MROH9: variants seen among roughly 807,000 people sequenced by gnomAD.
MROH9 encodes the protein maestro heat-like repeat-containing protein family member 9.
A neutral mutation model predicts 98.2 loss-of-function variants in MROH9; 92 were observed. The observed-to-expected ratio is 0.94, with a 90% CI of 0.79 to 1.11. The LOEUF (loss-of-function observed/expected upper bound fraction) is 1.11, where lower values mean the gene tolerates loss of function less well. Ranked by LOEUF, MROH9 falls within the 50% of genes most tolerant of loss-of-function variation. The pLI, the probability that MROH9 is intolerant of heterozygous loss-of-function variation, is 0.00. For synonymous variants in MROH9, 397 were observed against 368.9 expected (o/e 1.08, Z -0.87); for missense variants, 1,057 against 1,014.8 (o/e 1.04, Z -0.57).
At chr1:171,033,717 T>C (rs1653005380) in intron 20 of MROH9, among the ~76,000 whole-genome samples, 1 of 152,186 alleles carries the variant, frequency 6.6e-6, no homozygotes, top group African/African-American at 2.4e-5. Context: ...CGCTGCTGTT[T>C]CTATTCGGCC....
At chr1:170,939,867 G>T (rs1649052731) in intron 1 of MROH9, among the ~76,000 whole-genome samples, 1 of 152,142 alleles carries the variant, frequency 6.6e-6, no homozygotes, top group African/African-American at 2.4e-5. Context: ...GTAAGGCTTT[G>T]CTCCAAAATC....
chr1:171,055,220 A>C (rs925680278), intron 20 of MROH9, among the ~76,000 whole-genome samples: 3 of 152,234 alleles, frequency 2.0e-5, no homozygotes, highest in African/African-American at 7.2e-5. Flanking sequence ...AGCAACCTGG[A>C]TAACTGGAGA....
chr1:170,942,274 T>C lies in MROH9; in HGVS notation c.-37-3246T>C, dbSNP rs563752221. On this transcript the variant is annotated intron_variant, in intron 1 of 21. Transcript: ENST00000367759. Reference sequence around the variant, plus strand: ...TTACGGGTCTAGAAGCAAAGAAGAGTGGTGGGGTTGAGTCCCTAAGAAGAC... The same window carrying C: ...TTACGGGTCTAGAAGCAAAGAAGAGCGGTGGGGTTGAGTCCCTAAGAAGAC... 2.0e-5 allele frequency among the ~76,000 whole-genome samples: 3 copies of C among 151,046 alleles called. No individual in the cohort carries two copies. In the South Asian group the frequency reaches 6.3e-4, roughly 32 times the overall value.
At chr1:171,015,919 A>G (rs1652307445) in intron 16 of MROH9, among the ~76,000 whole-genome samples, 1 of 152,242 alleles carries the variant, frequency 6.6e-6, no homozygotes, top group African/African-American at 2.4e-5. Context: ...GTAGCGAAAG[A>G]ATTAGGGAGT....
intron 8 of MROH9, among the ~76,000 whole-genome samples, chr1:170,974,415 A>T (rs1286125269): frequency 6.6e-6 from 1 of 152,136 alleles, no homozygotes; most frequent in Non-Finnish European, 1.5e-5. Flanking sequence ...AAAGGAGCCA[A>T]AGAGGAAAAA....
intron 3 of MROH9, among the ~76,000 whole-genome samples, chr1:170,953,581 T>C (rs554695714): frequency 2.6e-5 from 4 of 152,200 alleles, no homozygotes; most frequent in Admixed American, 2.0e-4. Flanking sequence ...ACATAAAGTC[T>C]TGTAGCATTG....
At chr1:171,032,594 G>A (rs544962865) in intron 20 of MROH9, among the ~76,000 whole-genome samples, 5 of 152,130 alleles carry the variant, frequency 3.3e-5, no homozygotes, top group Admixed American at 6.6e-5. Context: ...ATTCACTCCC[G>A]TGCCTGGAGA....
At chr1:171,049,656 T>C (rs1223770675) in intron 20 of MROH9, among the ~76,000 whole-genome samples, 1 of 152,136 alleles carries the variant, frequency 6.6e-6, no homozygotes, top group Non-Finnish European at 1.5e-5. Flanking sequence ...TCATGTTCTT[T>C]ACCCACTTTT....
At chr1:171,062,250 T>A in intron 21 of MROH9, 56 bp downstream of exon 21, 1 of 1,253,838 alleles carries the variant, frequency 8.0e-7, no homozygotes, top group East Asian at 2.5e-5. Flanking sequence ...ACATTTACTA[T>A]TTTTAATTCT....
chr1:170,998,100 T>C, intron 14 of MROH9, 54 bp from the exon 15 acceptor site: 1 of 1,323,924 alleles, frequency 7.6e-7, no homozygotes, highest in East Asian at 2.3e-5. Flanking sequence ...TCTTTGCCAC[T>C]ATTAGCATGG....
At chr1:171,046,452 T>G (rs758960372) in intron 20 of MROH9, among the ~76,000 whole-genome samples, 23 of 152,220 alleles carry the variant, frequency 1.5e-4, no homozygotes, top group Non-Finnish European at 3.4e-4. Flanking sequence ...TTTGTGTATC[T>G]ATTGTACATT....
intron 15 of MROH9, among the ~76,000 whole-genome samples, chr1:171,002,751 T>C (rs980942999): frequency 6.6e-6 from 1 of 152,200 alleles, no homozygotes; most frequent in Admixed American, 6.5e-5. Context: ...CTTTTTGCAA[T>C]GAATTTCCCA....
At chr1:171,059,223 T>C (rs1653942204) in intron 20 of MROH9, among the ~76,000 whole-genome samples, 1 of 152,094 alleles carries the variant, frequency 6.6e-6, no homozygotes, top group Admixed American at 6.5e-5. Flanking sequence ...GTAACAAAAG[T>C]GGGCAAAGGA....
chr1:171,030,340 A>G lies in MROH9; in HGVS notation c.2281+4920A>G, dbSNP rs575187351. On this transcript the variant is annotated intron_variant, in intron 20 of 21. Transcript: ENST00000367759. ...ATTGTCTTATGCTAGCTTTTGGATT[A>G]GTTTGTTCTTGATGCTCTAGCTCTT... Among the ~76,000 whole-genome samples the G allele has an allele frequency of 2.0e-5, 3 of 151,722 alleles. No individual in the cohort carries two copies. The East Asian group carries it at 5.8e-4, about 29-fold the overall frequency.
intron 7 of MROH9, among the ~76,000 whole-genome samples, chr1:170,966,450 T>C (rs1424011838): frequency 6.6e-6 from 1 of 152,044 alleles, no homozygotes; most frequent in South Asian, 2.1e-4. Flanking sequence ...ACTTATCTGA[T>C]TGCTGGAGTC....
At position 170,959,546 on chromosome 1, in the gene MROH9, T is replaced by C; in HGVS notation, c.237T>C (p.Leu79=). 1 of 1,613,816 alleles carries C rather than the reference T, an allele frequency of 6.2e-7. No homozygotes were observed. Among genetic ancestry groups the C allele is most frequent in the Non-Finnish European group, 8.5e-7 (1 of 1,179,866 alleles). The change falls in exon 5 of 22, where the codon CTT becomes CTC. Residue 79 remains leucine, a synonymous_variant. Coordinates refer to ENST00000367759, the MANE Select transcript of MROH9 (RefSeq NM_001163629.2). ...SFGMLVVMPS[L]DKVKEMGSSY... is the part of the protein sequence containing the mutation. Reference sequence around the variant, plus strand: ...GAATGCTAGTTGTCATGCCAAGTCTTGACAAAGTAAAAGAAATGGGGAGCA... The same window carrying C: ...GAATGCTAGTTGTCATGCCAAGTCTCGACAAAGTAAAAGAAATGGGGAGCA...
At chr1:171,032,902 G>C (rs1338508614) in intron 20 of MROH9, among the ~76,000 whole-genome samples, 5 of 152,234 alleles carry the variant, frequency 3.3e-5, no homozygotes, top group Admixed American at 3.3e-4. Context: ...GGTCTGCAGA[G>C]ACTGTGGCCT....
intron 17 of MROH9, among the ~76,000 whole-genome samples, chr1:171,021,519 C>T (rs1355345291): frequency 6.6e-6 from 1 of 152,130 alleles, no homozygotes; most frequent in Non-Finnish European, 1.5e-5. Context: ...AAAAGATTCC[C>T]TATTTAATAA....
intron 15 of MROH9, among the ~76,000 whole-genome samples, chr1:171,002,924 A>G (rs887872158): frequency 1.3e-5 from 2 of 149,388 alleles, no homozygotes; most frequent in South Asian, 4.4e-4. Flanking sequence ...ATAATCCCAG[A>G]CTTCTTGGTG....
Sources: gnomAD v4.1 joint callset for allele counts (sites outside exome capture counted in the v4.1 genomes callset) on GRCh38, gnomAD v4.1.1 for gene constraint, MANE v1.5 for transcripts, NCBI Gene and HGNC (gene_info 2026-07-23, HGNC 2026-07-21) for gene names.